TRIP4: variants seen among roughly 807,000 people sequenced by gnomAD.
TRIP4 encodes the protein activating signal cointegrator 1.
TRIP4 carries 54 observed loss-of-function variants against 81.8 expected under a neutral mutation model. That is an observed-to-expected ratio of 0.66 (90% CI 0.53 to 0.83). The LOEUF is 0.83. TRIP4 is among the 40% of genes least tolerant of loss of function. TRIP4 has a pLI of 0.00. For missense variants in TRIP4, 662 were observed against 683.6 expected, an observed-to-expected ratio of 0.97 and a Z score of 0.35; for synonymous variants, 270 against 242.8, an observed-to-expected ratio of 1.11 and a Z score of -1.04.
intron 3 of TRIP4, 60 bp from the exon 4 acceptor site, chr15:64,397,546 C>T (rs1900328939): frequency 3.2e-6 from 5 of 1,556,524 alleles, no homozygotes; most frequent in Non-Finnish European, 4.4e-6. Flanking sequence ...GCATTTTCTC[C>T]CTTGACTTTT....
chr15:64,391,409 C>T (rs759866492), intron 1 of TRIP4, among the ~76,000 whole-genome samples: 13 of 151,920 alleles, frequency 8.6e-5, no homozygotes, highest in Non-Finnish European at 1.9e-4. Flanking sequence ...CCCGCCTCAG[C>T]CTCCCAAAGT....
intron 11 of TRIP4, among the ~76,000 whole-genome samples, chr15:64,441,632 G>T (rs1892520043): frequency 6.6e-6 from 1 of 152,054 alleles, no homozygotes; most frequent in Non-Finnish European, 1.5e-5. Context: ...AATTAGCCGG[G>T]CATAGTGCCG....
At chr15:64,421,549 T>A (rs1323331028) in intron 9 of TRIP4, among the ~76,000 whole-genome samples, 1 of 151,752 alleles carries the variant, frequency 6.6e-6, no homozygotes, top group Non-Finnish European at 1.5e-5. Flanking sequence ...TTGGCCAGGC[T>A]GGTCTCAAAC....
At chr15:64,440,080 C>G (rs1892483718) in intron 11 of TRIP4, among the ~76,000 whole-genome samples, 1 of 151,436 alleles carries the variant, frequency 6.6e-6, no homozygotes, top group Non-Finnish European at 1.5e-5. Context: ...TTTATTTAGT[C>G]CTCTAAAAAA....
intron 1 of TRIP4, among the ~76,000 whole-genome samples, chr15:64,392,155 G>A (rs772737949): frequency 4.6e-5 from 7 of 150,948 alleles, no homozygotes; most frequent in African/African-American, 1.7e-4. Flanking sequence ...AAAATTAGCC[G>A]GGTGTGGTTG....
chr15:64,402,890 C>T (rs987019681), intron 5 of TRIP4, among the ~76,000 whole-genome samples: 7 of 149,698 alleles, frequency 4.7e-5, no homozygotes, highest in African/African-American at 1.7e-4. Context: ...GATGGAGTCT[C>T]GCTCTGTCGC....
In TRIP4 at chr15:64,395,515, C is replaced by G; in HGVS notation, c.389C>G (p.Pro130Arg). The change falls in exon 3 of 13, where the codon CCT (proline) becomes CGT (arginine). Residue 130 changes from proline to arginine, a missense_variant. Transcript: ENST00000261884. ...EPDTTAEVKTPFDLAKAQENS... is the reference protein window; with the variant it reads ...EPDTTAEVKTRFDLAKAQENS... ...GACACGACTGCAGAGGTTAAAACAC[C>G]TTTTGATTTGGCCAAGGTGAGTGCT... 6.2e-7 allele frequency: 1 copy of G among 1,609,984 alleles called. No individual in the cohort carries two copies. Among genetic ancestry groups the G allele is most frequent in the Non-Finnish European group, 8.5e-7 (1 of 1,177,756 alleles).
chr15:64,434,039 G>C (rs1388319517), intron 11 of TRIP4, among the ~76,000 whole-genome samples: 1 of 151,902 alleles, frequency 6.6e-6, no homozygotes, highest in Admixed American at 6.6e-5. Context: ...GGAATAAGCA[G>C]CAAACAAAAA....
At chr15:64,412,835 A>C (rs1223732614) in intron 7 of TRIP4, among the ~76,000 whole-genome samples, 1 of 152,150 alleles carries the variant, frequency 6.6e-6, no homozygotes, top group Non-Finnish European at 1.5e-5. Flanking sequence ...AGGGCTTATG[A>C]TCTCTTACTA....
chr15:64,424,254 TA>T, intron 10 of TRIP4, 99 bp downstream of exon 10: 1 of 1,514,824 alleles, frequency 6.6e-7, no homozygotes, highest in South Asian at 1.2e-5. Context: ...TTTTCTTTGT[TA>T]AAAGAGACTT....
chr15:64,429,337 TAAAAA>T (rs1202443575), intron 11 of TRIP4, among the ~76,000 whole-genome samples: 8 of 151,978 alleles, frequency 5.3e-5, no homozygotes, highest in Non-Finnish European at 1.0e-4. Context: ...AAAATAAAAA[TAAAAA>T]AAGAAATGTA....
At chr15:64,396,513 A>G (rs183595760) in intron 3 of TRIP4, among the ~76,000 whole-genome samples, 96 of 152,182 alleles carry the variant, frequency 6.3e-4, no homozygotes, top group African/African-American at 2.2e-3. Flanking sequence ...TCCTGACCTC[A>G]AGCAATCTGC....
intron 6 of TRIP4, among the ~76,000 whole-genome samples, chr15:64,408,094 CAA>C (rs750653412): frequency 6.1e-5 from 6 of 98,690 alleles, no homozygotes; most frequent in Non-Finnish European, 8.6e-5. Context: ...GAGATTGTCT[CAA>C]AAAAAAAAAA....
chr15:64,400,733 T>C lies in TRIP4; in HGVS notation c.619-10T>C. The C allele has an allele frequency of 6.2e-7, 1 of 1,611,042 alleles. No individual in the cohort carries two copies. Among genetic ancestry groups the C allele is most frequent in the South Asian group, 1.1e-5 (1 of 90,984 alleles). ...GTTGGATCACATGTCTTACTCTTAC[T>C]ATTTTACAGGTGTGTACTCATGAGG... On this transcript the variant is annotated splice_polypyrimidine_tract_variant and intron_variant, in intron 4 of 12. Transcript: ENST00000261884.
Position 64,393,997 on chromosome 15 carries a change from T to C in TRIP4, c.153T>C (p.Asp51=). The change falls in exon 2 of 13, where the codon GAT becomes GAC. Residue 51 remains aspartate, a synonymous_variant. Transcript: ENST00000261884. The part of the protein sequence containing the change: ...SAEEIREYVT[D]LLQGNEGKKG... ...AAGAGATACGAGAATATGTTACTGA[T>C]CTCCTCCAGGGAAATGAAGGCAAAA... 2 of 1,609,300 alleles carry C rather than the reference T, an allele frequency of 1.2e-6. No individual in the cohort carries two copies. Among genetic ancestry groups the C allele is most frequent in the East Asian group, 4.5e-5 (2 of 44,520 alleles).
intron 11 of TRIP4, among the ~76,000 whole-genome samples, chr15:64,442,860 G>A (rs1326211643): frequency 6.6e-6 from 1 of 151,766 alleles, no homozygotes; most frequent in South Asian, 2.1e-4. Flanking sequence ...GGTTTTGGAC[G>A]CCTGTAATCC....
intron 12 of TRIP4, among the ~76,000 whole-genome samples, chr15:64,451,465 CTTTT>C (rs145401592): frequency 1.5e-3 from 96 of 64,704 alleles, no homozygotes; most frequent in African/African-American, 3.3e-3. Context: ...CAAATCTGAT[CTTTT>C]TTTTTTTTTT....
Position 64,406,261 on chromosome 15 carries a change from T to C in TRIP4, c.698-69T>C. The C allele has an allele frequency of 3.8e-6, 6 of 1,572,714 alleles. No homozygotes were observed. In the African/African-American group the frequency reaches 5.4e-5, roughly 14 times the overall value. Reference sequence around the variant, plus strand: ...CCAGATCTTCTGATGTTTTGTTCTTTGTTGCACACTGGTACAACTAATTTG... The same window carrying C: ...CCAGATCTTCTGATGTTTTGTTCTTCGTTGCACACTGGTACAACTAATTTG... On this transcript the variant is annotated intron_variant, in intron 5 of 12. Coordinates refer to ENST00000261884, the MANE Select transcript of TRIP4 (RefSeq NM_016213.5).
At chr15:64,421,239 A>G (rs1394598571) in intron 9 of TRIP4, among the ~76,000 whole-genome samples, 1 of 151,250 alleles carries the variant, frequency 6.6e-6, no homozygotes, top group Non-Finnish European at 1.5e-5. Context: ...CCAAGATTGC[A>G]TCATTGCACT....
Sources: allele counts gnomAD v4.1 joint callset (sites outside exome capture counted in the v4.1 genomes callset), GRCh38; gene constraint gnomAD v4.1.1; transcripts MANE v1.5; gene names NCBI Gene and HGNC (gene_info 2026-07-23, HGNC 2026-07-21).